The following CHP1 variants were observed in gnomAD, a reference collection of about 807,000 sequenced individuals.
The protein encoded by CHP1 is calcineurin like EF-hand protein 1.
In CHP1, 11 loss-of-function variants were observed where a neutral mutation model predicts 27.4. The ratio of observed to expected loss-of-function variants is 0.40; its 90% confidence interval spans 0.25 to 0.67. CHP1 has a LOEUF of 0.67. Among genes scored for constraint, CHP1 ranks in the 30% least tolerant of loss-of-function variants. CHP1 has a pLI of 0.38. For synonymous variants in CHP1, 89 were observed against 87.4 expected (o/e 1.02, Z -0.10); for missense variants, 169 against 251.3 (o/e 0.67, Z 2.22).
At chr15:41,269,959 C>T (rs545728065) in intron 4 of CHP1, among the ~76,000 whole-genome samples, 133 of 152,156 alleles carry the variant, frequency 8.7e-4, no homozygotes, top group African/African-American at 2.8e-3. Context: ...TCTCATGGAC[C>T]CAAGCAAAGT....
chr15:41,277,848 G>T (rs981780763), intron 5 of CHP1, among the ~76,000 whole-genome samples: 18 of 150,656 alleles, frequency 1.2e-4, no homozygotes, highest in African/African-American at 4.2e-4. Flanking sequence ...CCAGTTCCTT[G>T]GGGGAGGCTG....
intron 4 of CHP1, chr15:41,264,157 T>C (rs1489419110): frequency 3.1e-6 from 4 of 1,276,978 alleles, no homozygotes; most frequent in Middle Eastern, 2.1e-4. Flanking sequence ...CTTGTTCACA[T>C]CTGGCAGTAG....
Position 41,262,843 on chromosome 15 carries a change from T to C in CHP1, c.309T>C (p.Asn103=). 1.2e-6 allele frequency: 2 copies of C among 1,614,178 alleles called. No individual in the cohort carries two copies. Among genetic ancestry groups the C allele is most frequent in the Non-Finnish European group, 8.5e-7 (1 of 1,180,036 alleles). ...IEDNEKSKDV[N]GPEPLNSRSN... ...ATAATGAAAAGAGCAAAGATGTGAA[T>C]GGACCCGAACCACTCAACAGCCGAA... Residue 103 remains asparagine, a synonymous_variant, in exon 4 of 7, where the codon AAT becomes AAC. Coordinates refer to ENST00000334660, the MANE Select transcript of CHP1 (RefSeq NM_007236.5).
chr15:41,274,000 G>A (rs935220293), intron 5 of CHP1, among the ~76,000 whole-genome samples: 3 of 151,542 alleles, frequency 2.0e-5, no homozygotes, highest in South Asian at 2.1e-4. Context: ...TCGCTCTGTC[G>A]CTCGGGCTGG....
intron 2 of CHP1, among the ~76,000 whole-genome samples, chr15:41,254,121 G>A (rs1482002354): frequency 4.6e-5 from 7 of 151,938 alleles, no homozygotes; most frequent in African/African-American, 1.7e-4. Context: ...AATACTTTTA[G>A]CAATACTGTC....
intron 4 of CHP1, chr15:41,264,304 C>A: frequency 1.2e-6 from 1 of 804,802 alleles, no homozygotes. Flanking sequence ...GGAGATTAGG[C>A]TAATGAGATT....
rs528644397 is a variant in CHP1, at chr15:41,247,014, C to CA, written c.140+3291dup. On this transcript the variant is annotated intron_variant, in intron 2 of 6. Transcript: ENST00000334660. ...TGGGCTACAGAGCGAGACTCTGTCT[C>CA]AAAAAAAAAAAAAAAATGTTGAAAA... 5.9e-3 allele frequency among the ~76,000 whole-genome samples: 733 copies of CA among 123,984 alleles called. 10 individuals carry two copies. Among genetic ancestry groups the CA allele is most frequent in the African/African-American group, 0.018 (625 of 34,084 alleles). The allele number at this position is 123,984 out of a possible 152,430, so 81.3% of individuals were successfully genotyped here.
At chr15:41,270,500 T>G (rs1327272209) in intron 4 of CHP1, 57 bp from the exon 5 acceptor site, 1 of 1,340,844 alleles carries the variant, frequency 7.5e-7, no homozygotes, top group Non-Finnish European at 1.1e-6. Flanking sequence ...ATTTAGTTCC[T>G]TGAGAAGGGG....
chr15:41,279,587 A>T lies in CHP1; in HGVS notation c.*198A>T. 1 of 543,846 alleles carries T rather than the reference A, an allele frequency of 1.8e-6. No homozygotes were observed. The highest frequency in any genetic ancestry group is 2.6e-5 in the South Asian group (1 of 38,510). 33.7% of individuals were successfully genotyped at this position (543,846 alleles called of 1,614,324 possible). The stretch of plus-strand genomic sequence containing the variant: ...AGGGCATTACAGAATGGTACACCCT[A>T]TATATTTCTGTTCAGTATCCATTCA... On this transcript the variant is annotated 3_prime_UTR_variant, in exon 7 of 7. Coordinates refer to ENST00000334660, the MANE Select transcript of CHP1 (RefSeq NM_007236.5).
chr15:41,250,456 C>A lies in CHP1; in HGVS notation c.141-6454C>A, dbSNP rs199965047. Among the ~76,000 whole-genome samples the A allele has an allele frequency of 5.7e-4, 87 of 152,130 alleles. 2 individuals carry two copies. In the East Asian group the frequency reaches 0.015, roughly 27 times the overall value. On this transcript the variant is annotated intron_variant, in intron 2 of 6. Coordinates refer to ENST00000334660, the MANE Select transcript of CHP1 (RefSeq NM_007236.5). Reference sequence around the variant, plus strand: ...GTGGCTCATGCCTGTAATCCCAGCACTTTGGGAGGCCGAGGCAGGGGAATC... The same window carrying A: ...GTGGCTCATGCCTGTAATCCCAGCAATTTGGGAGGCCGAGGCAGGGGAATC...
Position 41,234,831 on chromosome 15 carries a change from T to C in CHP1, c.67+3382T>C, listed in dbSNP as rs113414724. ...GTTAACAATCGTCTTATTGGGAAAA[T>C]ACCATTTGCATGTACTAGTTATAAA... On this transcript the variant is annotated intron_variant, in intron 1 of 6. Transcript: ENST00000334660. 4.6e-3 allele frequency among the ~76,000 whole-genome samples: 699 copies of C among 152,312 alleles called. 5 individuals carry two copies. Among genetic ancestry groups the C allele is most frequent in the African/African-American group, 0.015 (629 of 41,576 alleles).
At position 41,231,379 on chromosome 15, in the gene CHP1, GGC is replaced by G; in HGVS notation, c.-2_-1del. 6.3e-7 allele frequency: 1 copy of G among 1,597,700 alleles called. No individual in the cohort carries two copies. Among genetic ancestry groups the G allele is most frequent in the South Asian group, 1.1e-5 (1 of 88,132 alleles). ...CTGCTCCCGGAGGAGCTCCCGGCAC[GGC>G]GATGGGTTCTCGGGCCTCCACGTTA... On this transcript the variant is annotated 5_prime_UTR_variant, in exon 1 of 7. Transcript: ENST00000334660.
At chr15:41,256,384 C>T (rs771424979) in intron 2 of CHP1, among the ~76,000 whole-genome samples, 1 of 152,092 alleles carries the variant, frequency 6.6e-6, no homozygotes. Flanking sequence ...GGAGAAAAAG[C>T]CAGAGTCAGA....
At chr15:41,268,854 GGA>G (rs2047474934) in intron 4 of CHP1, among the ~76,000 whole-genome samples, 1 of 151,516 alleles carries the variant, frequency 6.6e-6, no homozygotes, top group Non-Finnish European at 1.5e-5. Flanking sequence ...CAGCTACTCG[GGA>G]GGCTGAGGCA....
intron 4 of CHP1, among the ~76,000 whole-genome samples, chr15:41,268,680 G>A (rs2899014): frequency 0.11 from 15,834 of 146,986 alleles, 1,118 homozygotes; most frequent in East Asian, 0.21. Flanking sequence ...GATGGCTCAC[G>A]CCTGTAATCC....
chr15:41,231,433 CAAG>C lies in CHP1; in HGVS notation c.55_57del (p.Lys19del), dbSNP rs1310569366. The C allele has an allele frequency of 2.5e-6, 4 of 1,603,716 alleles. No homozygotes were observed. Among genetic ancestry groups the C allele is most frequent in the Non-Finnish European group, 3.4e-6 (4 of 1,176,322 alleles). ...TGCGGGACGAAGAGCTCGAGGAGATCAAGAAGGAGACCGGCTGTGAGTTCGGGT... is the reference window on the plus strand; with the variant it reads ...TGCGGGACGAAGAGCTCGAGGAGATCAAGGAGACCGGCTGTGAGTTCGGGT... On this transcript the variant is annotated inframe_deletion, in exon 1 of 7. Coordinates refer to ENST00000334660, the MANE Select transcript of CHP1 (RefSeq NM_007236.5).
intron 6 of CHP1, 126 bp from the exon 7 acceptor site, chr15:41,279,210 C>CAA (rs74265375): frequency 8.4e-3 from 4,910 of 587,274 alleles, no homozygotes; most frequent in South Asian, 0.01. Context: ...ACTCTGCCTC[C>CAA]AAAAAAAAAA....
intron 2 of CHP1, among the ~76,000 whole-genome samples, chr15:41,251,898 A>C (rs1312043123): frequency 1.3e-5 from 2 of 148,636 alleles, no homozygotes; most frequent in African/African-American, 2.5e-5. Flanking sequence ...ACATGCCACT[A>C]TGCCTGGCTT....
intron 5 of CHP1, among the ~76,000 whole-genome samples, chr15:41,273,778 A>G (rs1052709284): frequency 6.6e-6 from 1 of 151,450 alleles, no homozygotes; most frequent in Non-Finnish European, 1.5e-5. Flanking sequence ...CTCACCAAAC[A>G]TTAAAAATAA....
Sources: gnomAD v4.1 joint callset for allele counts (sites outside exome capture counted in the v4.1 genomes callset) on GRCh38, gnomAD v4.1.1 for gene constraint, MANE v1.5 for transcripts, NCBI Gene and HGNC (gene_info 2026-07-23, HGNC 2026-07-21) for gene names.